Variants in NOL4L observed in about 807,000 individuals in gnomAD.
The protein encoded by NOL4L is nucleolar protein 4 like, also known as nucleolar protein 4-like.
Under a neutral mutation model 64.5 loss-of-function variants are expected in NOL4L, and 7 were observed. That is an observed-to-expected ratio of 0.11 (90% CI 0.06 to 0.20). The LOEUF is 0.20. NOL4L is among the 10% of genes least tolerant of loss of function. NOL4L has a pLI of 1.00. For missense variants in NOL4L, 680 were observed against 967.1 expected (o/e 0.70, Z 3.94); for synonymous variants, 413 against 401.0 (o/e 1.03, Z -0.36).
At chr20:32,473,413 G>A (rs1295213447) in intron 5 of NOL4L, among the ~76,000 whole-genome samples, 2 of 152,240 alleles carry the variant, frequency 1.3e-5, no homozygotes, top group African/African-American at 4.8e-5. Flanking sequence ...ACTGGCCTGG[G>A]AGGCTGGCAG....
chr20:32,533,180 C>T (rs1300273124), intron 1 of NOL4L, among the ~76,000 whole-genome samples: 3 of 152,184 alleles, frequency 2.0e-5, no homozygotes, highest in Non-Finnish European at 4.4e-5. Flanking sequence ...TTGGACATCA[C>T]CAGCTCCCTT....
chr20:32,447,900 C>A (rs527497446), intron 10 of NOL4L, 84 bp from the exon 11 acceptor site: 898 of 1,481,528 alleles, frequency 6.1e-4, no homozygotes, highest in Non-Finnish European at 7.6e-4. Context: ...ACTGTCATAA[C>A]CTATGGCCTA....
In NOL4L at chr20:32,464,949, G is replaced by T; in HGVS notation, c.842-8554C>A. 1.9e-6 allele frequency: 1 copy of T among 535,650 alleles called. No individual in the cohort carries two copies. The highest frequency in any genetic ancestry group is 3.4e-6 in the Non-Finnish European group (1 of 293,418). 33.2% of individuals were successfully genotyped at this position (535,650 alleles called of 1,614,324 possible). A position where few individuals can be genotyped will look rare whatever the true frequency, so the allele number is the denominator to read the frequency against. On this transcript the variant is annotated intron_variant, in intron 5 of 10. Transcript: ENST00000621426. This position sits in a 1 kb window ranked among gnomAD's most constrained non-coding sequence, Gnocchi z 5.6. The stretch of plus-strand genomic sequence containing the variant: ...CCTGTCTGCACTAGCCTTTTCCAAG[G>T]CTCAGTAGCCGTCCTTGGCTAATGA...
At chr20:32,474,135 G>C (rs1254576041) in intron 5 of NOL4L, among the ~76,000 whole-genome samples, 1 of 152,274 alleles carries the variant, frequency 6.6e-6, no homozygotes, top group African/African-American at 2.4e-5. Context: ...ATCCCAAGGG[G>C]CTAGGGTGAA....
rs370866996 is a variant in NOL4L, at chr20:32,464,148, T to G, written c.842-7753A>C. 1.2e-4 allele frequency among the ~76,000 whole-genome samples: 18 copies of G among 152,288 alleles called. No individual in the cohort carries two copies. The South Asian group carries it at 2.7e-3, about 23-fold the overall frequency. Reference sequence around the variant, plus strand: ...GACAGTAGGGCTATGGGCTGTGGTCTGGGGGTGCTGACCCTGCTCTGAATT... The same window carrying G: ...GACAGTAGGGCTATGGGCTGTGGTCGGGGGGTGCTGACCCTGCTCTGAATT... On this transcript the variant is annotated intron_variant, in intron 5 of 10. Coordinates refer to ENST00000621426, the MANE Select transcript of NOL4L (RefSeq NM_001256798.2). The surrounding 1 kb of genome is among the most constrained non-coding windows in gnomAD (Gnocchi z 5.6).
intron 1 of NOL4L, among the ~76,000 whole-genome samples, chr20:32,533,961 C>T (rs149165081): frequency 5.2e-4 from 79 of 152,312 alleles, no homozygotes; most frequent in African/African-American, 1.7e-3. Context: ...TGGACCCCTG[C>T]CCCTGATGGT....
intron 1 of NOL4L, 89 bp downstream of exon 1, chr20:32,584,481 G>T (rs1312699736): frequency 2.8e-6 from 3 of 1,071,082 alleles, no homozygotes; most frequent in Non-Finnish European, 3.6e-6. Context: ...CACACGTTCG[G>T]ACACACATCC....
At chr20:32,550,917 G>A (rs1303972703) in intron 1 of NOL4L, among the ~76,000 whole-genome samples, 3 of 149,018 alleles carry the variant, frequency 2.0e-5, no homozygotes, top group African/African-American at 2.6e-5. Flanking sequence ...AAAGTTAGGC[G>A]TGGTGGTGGG....
At chr20:32,522,135 T>A (rs947640000) in intron 2 of NOL4L, among the ~76,000 whole-genome samples, 10 of 152,186 alleles carry the variant, frequency 6.6e-5, no homozygotes, top group African/African-American at 2.4e-4. Context: ...GCTTGGGGTG[T>A]CCCAGGCTGT....
At chr20:32,493,631 G>T (rs1176628491) in intron 4 of NOL4L, among the ~76,000 whole-genome samples, 4 of 152,192 alleles carry the variant, frequency 2.6e-5, no homozygotes, top group African/African-American at 9.7e-5. Context: ...ACTGGTGCTG[G>T]GCACAGAGCA....
At chr20:32,468,190 C>A (rs1224828341) in intron 5 of NOL4L, among the ~76,000 whole-genome samples, 1 of 152,176 alleles carries the variant, frequency 6.6e-6, no homozygotes, top group Non-Finnish European at 1.5e-5. Flanking sequence ...TGGCACAGCA[C>A]CCAGGACCTG....
intron 1 of NOL4L, among the ~76,000 whole-genome samples, chr20:32,545,406 G>T (rs577914548): frequency 6.6e-6 from 1 of 152,202 alleles, no homozygotes; most frequent in Non-Finnish European, 1.5e-5. Context: ...CCACTCACAC[G>T]TGTGCGATGT....
At chr20:32,493,690 A>G (rs1207611162) in intron 4 of NOL4L, among the ~76,000 whole-genome samples, 1 of 152,216 alleles carries the variant, frequency 6.6e-6, no homozygotes, top group Non-Finnish European at 1.5e-5. Context: ...AAAACTAAGT[A>G]ATAACTCAGT....
At chr20:32,518,758 C>T (rs2017789724) in intron 3 of NOL4L, among the ~76,000 whole-genome samples, 1 of 152,224 alleles carries the variant, frequency 6.6e-6, no homozygotes, top group Non-Finnish European at 1.5e-5. Context: ...ACACCCCTGG[C>T]CCCTGCGGCC....
intron 1 of NOL4L, 64 bp downstream of exon 1, chr20:32,584,500 ACCCCGC>A: frequency 4.5e-6 from 2 of 444,294 alleles, no homozygotes; most frequent in Non-Finnish European, 3.3e-6. Flanking sequence ...CCACACCCCC[ACCCCGC>A]CCCCGCCCGC....
At position 32,488,788 on chromosome 20, in the gene NOL4L, TTC is replaced by T. The variant is rs1491202038; in HGVS notation, c.700-14048_700-14047del. Among the ~76,000 whole-genome samples the T allele has an allele frequency of 7.0e-4, 26 of 36,924 alleles. 1 individual carries two copies. The East Asian group carries it at 9.8e-3, about 14-fold the overall frequency. 24.2% of individuals were successfully genotyped at this position (36,924 alleles called of 152,430 possible). A position where few individuals can be genotyped will look rare whatever the true frequency, so the allele number is the denominator to read the frequency against. ...CTTCCTTCCTTCCTTCCTTCCTTCC[TTC>T]CTTTCTTTCTTTCTTTTTCTTTCTT... On this transcript the variant is annotated intron_variant, in intron 4 of 10. Transcript: ENST00000621426.
At chr20:32,516,920 C>T (rs1235177860) in intron 3 of NOL4L, among the ~76,000 whole-genome samples, 2 of 152,272 alleles carry the variant, frequency 1.3e-5, no homozygotes, top group Non-Finnish European at 2.9e-5. Context: ...TATTTTGTCA[C>T]ATCAAAGAAA....
intron 5 of NOL4L, among the ~76,000 whole-genome samples, chr20:32,462,730 C>T (rs1014283089): frequency 7.9e-5 from 12 of 151,748 alleles, no homozygotes; most frequent in Admixed American, 3.3e-4. Flanking sequence ...CATGGTGAAA[C>T]CCCATCACTA....
intron 4 of NOL4L, among the ~76,000 whole-genome samples, chr20:32,482,384 A>G (rs1446615877): frequency 2.0e-5 from 3 of 152,114 alleles, no homozygotes; most frequent in Non-Finnish European, 4.4e-5. Flanking sequence ...TTCCCCCAGG[A>G]AGCGCAGCCC....
Sources: allele counts gnomAD v4.1 joint callset (sites outside exome capture counted in the v4.1 genomes callset), GRCh38; gene constraint gnomAD v4.1.1; non-coding constraint Gnocchi (gnomAD v3.1); transcripts MANE v1.5; gene names NCBI Gene and HGNC (gene_info 2026-07-23, HGNC 2026-07-21).